Variants in STX8 observed in about 807,000 individuals in gnomAD.
STX8 encodes the protein syntaxin 8, also known as syntaxin-8.
In STX8, 23 loss-of-function variants were observed where a neutral mutation model predicts 37.5. That is an observed-to-expected ratio of 0.61 (90% CI 0.44 to 0.87). STX8 has a LOEUF of 0.87. Ranked by LOEUF, STX8 falls within the 40% of genes least tolerant of loss-of-function variation. The pLI is 0.00. For missense variants in STX8, 313 were observed against 284.7 expected (o/e 1.10, Z -0.71); for synonymous variants, 115 against 99.1 (o/e 1.16, Z -0.95).
intron 7 of STX8, among the ~76,000 whole-genome samples, chr17:9,361,824 T>G (rs1355002553): frequency 2.6e-5 from 4 of 152,210 alleles, no homozygotes. Context: ...GAAGGTAATC[T>G]GATATTTGAA....
intron 7 of STX8, among the ~76,000 whole-genome samples, chr17:9,297,567 T>C (rs1003770330): frequency 2.0e-5 from 3 of 152,222 alleles, no homozygotes; most frequent in African/African-American, 7.2e-5. Flanking sequence ...CAACAGCAAG[T>C]ACTCAATAAA....
chr17:9,515,349 G>T (rs1001656781), intron 4 of STX8, among the ~76,000 whole-genome samples: 7 of 152,066 alleles, frequency 4.6e-5, no homozygotes, highest in African/African-American at 1.4e-4. Context: ...GACAAACCCA[G>T]GCAAAACTGG....
At position 9,295,472 on chromosome 17, in the gene STX8, C is replaced by T. The variant is rs533367343; in HGVS notation, c.644-44827G>A. ...TGAAAATGTAGGCTGGGACCAGGCA[C>T]GGTGGCTCACACCAGTAATCCCAGC... On this transcript the variant is annotated intron_variant, in intron 7 of 7. Transcript: ENST00000306357. Among the ~76,000 whole-genome samples the T allele has an allele frequency of 3.2e-3, 488 of 152,256 alleles. 6 individuals carry two copies. Among genetic ancestry groups the T allele is most frequent in the African/African-American group, 0.011 (455 of 41,542 alleles).
chr17:9,333,345 A>G (rs547169446), intron 7 of STX8, among the ~76,000 whole-genome samples: 1 of 152,164 alleles, frequency 6.6e-6, no homozygotes, highest in South Asian at 2.1e-4. Context: ...GTGAGAACAC[A>G]TGGTATTTGG....
In STX8 at chr17:9,281,636, T is replaced by A. The variant is rs1808269; in HGVS notation, c.644-30991A>T. ...AGCAGACACAGTCCCTTGGAGTGAC[T>A]ATAAAAATATTAAAAGGCTGGGCAC... On this transcript the variant is annotated intron_variant, in intron 7 of 7. Transcript: ENST00000306357. Among the ~76,000 whole-genome samples, 455 of 152,270 alleles carry A rather than the reference T, an allele frequency of 3.0e-3. 7 individuals are homozygous for A. In the East Asian group the frequency reaches 0.045, roughly 15 times the overall value.
chr17:9,315,581 TC>T (rs1399589648), intron 7 of STX8, among the ~76,000 whole-genome samples: 1 of 152,200 alleles, frequency 6.6e-6, no homozygotes. Context: ...TATTCATAAC[TC>T]CTATAACATG....
chr17:9,374,921 G>C (rs1911531719), intron 7 of STX8, among the ~76,000 whole-genome samples: 1 of 151,742 alleles, frequency 6.6e-6, no homozygotes, highest in African/African-American at 2.4e-5. Context: ...AAAATTAGCT[G>C]GGTGTGGTGG....
chr17:9,324,037 G>A (rs1240611817), intron 7 of STX8, among the ~76,000 whole-genome samples: 1 of 151,648 alleles, frequency 6.6e-6, no homozygotes, highest in Non-Finnish European at 1.5e-5. Context: ...TGAGAAAACT[G>A]AAGCAATGGG....
rs183345600 is a variant in STX8 at position 9,527,258 on chromosome 17, A to G, written c.323+17914T>C. Among the ~76,000 whole-genome samples, 1,409 of 148,454 alleles carry G rather than the reference A, an allele frequency of 9.5e-3. 6 individuals carry two copies. Among genetic ancestry groups the G allele is most frequent in the South Asian group, 0.027 (123 of 4,620 alleles). ...CAGGAGTTAGAATCCAGCCTGGGCA[A>G]CAGAGAGAGACCCTGTCTCTACAAA... On this transcript the variant is annotated intron_variant, in intron 4 of 7. Transcript: ENST00000306357.
At chr17:9,438,476 T>C (rs768198875) in intron 6 of STX8, among the ~76,000 whole-genome samples, 1 of 152,090 alleles carries the variant, frequency 6.6e-6, no homozygotes, top group African/African-American at 2.4e-5. Context: ...AGGTAATTCA[T>C]TGGCACACTA....
intron 4 of STX8, among the ~76,000 whole-genome samples, chr17:9,534,236 C>A (rs1443813795): frequency 6.6e-6 from 1 of 151,120 alleles, no homozygotes; most frequent in Non-Finnish European, 1.5e-5. Flanking sequence ...TTTAAAACAG[C>A]AACCAAAAAG....
intron 4 of STX8, among the ~76,000 whole-genome samples, chr17:9,537,521 T>C (rs925477455): frequency 4.6e-5 from 7 of 152,200 alleles, no homozygotes; most frequent in Non-Finnish European, 1.0e-4. Context: ...AAAGCTTTCA[T>C]GTATTAAAAG....
chr17:9,549,885 A>G (rs961989396), intron 3 of STX8, among the ~76,000 whole-genome samples: 5 of 152,118 alleles, frequency 3.3e-5, no homozygotes, highest in African/African-American at 1.2e-4. Flanking sequence ...AAAGTAGGGT[A>G]GTGGGGAAAC....
Position 9,255,071 on chromosome 17 carries a change from G to A in STX8, c.644-4426C>T, listed in dbSNP as rs534442775. Among the ~76,000 whole-genome samples, 6 of 152,326 alleles carry A rather than the reference G, an allele frequency of 3.9e-5. No homozygotes were observed. The East Asian group carries it at 9.6e-4, about 24-fold the overall frequency. The stretch of plus-strand genomic sequence containing the variant: ...AAGAATGCTCTTCCACAGAAGAGCT[G>A]CAGAGACCTTTCATAGTACAGTTTT... On this transcript the variant is annotated intron_variant, in intron 7 of 7. Coordinates refer to ENST00000306357, the MANE Select transcript of STX8 (RefSeq NM_004853.3).
At chr17:9,503,479 C>T (rs6503220) in intron 5 of STX8, among the ~76,000 whole-genome samples, 149,913 of 152,320 alleles carry the variant, frequency 0.98, 73,820 homozygotes, top group East Asian at 1. Flanking sequence ...ATATCAACTA[C>T]ATCTCAATAA....
intron 7 of STX8, chr17:9,305,734 GCAT>G (rs2046737267): frequency 7.5e-6 from 1 of 133,394 alleles, no homozygotes; most frequent in South Asian, 2.3e-4. Context: ...CTATACAGGT[GCAT>G]CTTTTTTTTT....
At chr17:9,349,820 C>T (rs765216346) in intron 7 of STX8, among the ~76,000 whole-genome samples, 11 of 151,912 alleles carry the variant, frequency 7.2e-5, no homozygotes, top group African/African-American at 9.7e-5. Flanking sequence ...TAAATGCCTA[C>T]GGGATGAGAG....
chr17:9,375,063 C>CAAAAA (rs58594029), intron 7 of STX8, among the ~76,000 whole-genome samples: 4 of 65,438 alleles, frequency 6.1e-5, no homozygotes, highest in African/African-American at 1.5e-4. Context: ...GACTCTGTCT[C>CAAAAA]AAAAAAAAAA....
At position 9,427,066 on chromosome 17, in the gene STX8, T is replaced by G. The variant is rs904530400; in HGVS notation, c.542-48413A>C. 5.3e-5 allele frequency among the ~76,000 whole-genome samples: 8 copies of G among 152,182 alleles called. 1 individual carries two copies. Among genetic ancestry groups the G allele is most frequent in the Admixed American group, 5.2e-4 (8 of 15,282 alleles). On this transcript the variant is annotated intron_variant, in intron 6 of 7. Coordinates refer to ENST00000306357, the MANE Select transcript of STX8 (RefSeq NM_004853.3). ...AAGTTCACATTTCCTATTTGCTCGG[T>G]TGGAAGTAAGAGAGTTGCTATCTAG...
Sources: allele counts gnomAD v4.1 joint callset (sites outside exome capture counted in the v4.1 genomes callset), GRCh38; gene constraint gnomAD v4.1.1; transcripts MANE v1.5; gene names NCBI Gene and HGNC (gene_info 2026-07-23, HGNC 2026-07-21).